Variants in PCDHGB3 observed in about 807,000 individuals in gnomAD.
The protein encoded by PCDHGB3 is protocadherin gamma-B3.
Under a neutral mutation model 59.2 loss-of-function variants are expected in PCDHGB3, and 40 were observed. That is an observed-to-expected ratio of 0.68 (90% CI 0.52 to 0.88). The LOEUF is 0.88. Among genes scored for constraint, PCDHGB3 ranks in the 40% least tolerant of loss-of-function variants. The pLI, the probability that PCDHGB3 is intolerant of heterozygous loss-of-function variation, is 0.00. For synonymous variants in PCDHGB3, 581 were observed against 503.6 expected, an observed-to-expected ratio of 1.15 and a Z score of -2.06; for missense variants, 1,309 against 1,187.9, an observed-to-expected ratio of 1.10 and a Z score of -1.50.
chr5:141,414,799 G>A, intron 1 of PCDHGB3: 1 of 1,614,214 alleles, frequency 6.2e-7, no homozygotes, highest in Non-Finnish European at 8.5e-7. Context: ...CAGCGACAGC[G>A]GGGATCCTCC....
intron 1 of PCDHGB3, chr5:141,388,978 C>G: frequency 6.2e-7 from 1 of 1,613,972 alleles, no homozygotes; most frequent in Non-Finnish European, 8.5e-7. Flanking sequence ...ACACATATTG[C>G]TTTGCTCAAA....
chr5:141,492,064 C>T (rs1562152072), intron 1 of PCDHGB3: 3 of 484,366 alleles, frequency 6.2e-6, no homozygotes, highest in Non-Finnish European at 1.1e-5. Context: ...AGCCAGCCTC[C>T]TAGGCGCCGG....
At chr5:141,503,325 G>A (rs1002520312) in intron 2 of PCDHGB3, among the ~76,000 whole-genome samples, 10 of 152,104 alleles carry the variant, frequency 6.6e-5, no homozygotes, top group East Asian at 1.9e-4. Flanking sequence ...GGAGGGGCGC[G>A]GTGGCTCACG....
chr5:141,425,478 G>A (rs2096877750), intron 1 of PCDHGB3, among the ~76,000 whole-genome samples: 1 of 152,148 alleles, frequency 6.6e-6, no homozygotes, highest in Admixed American at 6.5e-5. Flanking sequence ...AATTCCTATG[G>A]CAACCTACTA....
Position 141,432,289 on chromosome 5 carries a change from C to T in PCDHGB3, c.2415+59480C>T, listed in dbSNP as rs762278053. ...CGTCCTACGTGTCCATCAACTCCGACACTGGGGTACTGTATGCGCTGAGCT... is the reference window on the plus strand; with the variant it reads ...CGTCCTACGTGTCCATCAACTCCGATACTGGGGTACTGTATGCGCTGAGCT... On this transcript the variant is annotated intron_variant, in intron 1 of 3. Coordinates refer to ENST00000576222, the MANE Select transcript of PCDHGB3 (RefSeq NM_018924.5). The surrounding 1 kb of genome is among the most constrained non-coding windows in gnomAD (Gnocchi z 6.0). The T allele has an allele frequency of 6.2e-7, 1 of 1,614,266 alleles. No homozygotes were observed. Among genetic ancestry groups the T allele is most frequent in the Admixed American group, 1.7e-5 (1 of 60,038 alleles).
At chr5:141,474,524 C>G (rs1260642402) in intron 1 of PCDHGB3, among the ~76,000 whole-genome samples, 1 of 152,170 alleles carries the variant, frequency 6.6e-6, no homozygotes, top group Non-Finnish European at 1.5e-5. Flanking sequence ...GCTGGTCTGG[C>G]TAATTATCAA....
chr5:141,418,767 C>T (rs770275597), intron 1 of PCDHGB3: 1 of 1,613,850 alleles, frequency 6.2e-7, no homozygotes, highest in Non-Finnish European at 8.5e-7. Flanking sequence ...AACATTCTAA[C>T]TCAGCAGCCT....
chr5:141,496,081 C>A (rs976166091), intron 2 of PCDHGB3, among the ~76,000 whole-genome samples: 1 of 152,060 alleles, frequency 6.6e-6, no homozygotes, highest in Non-Finnish European at 1.5e-5. Flanking sequence ...CACAACCCCC[C>A]ACCCACCACC....
chr5:141,490,956 A>T lies in PCDHGB3; in HGVS notation c.2416-3851A>T. 1.2e-6 allele frequency: 2 copies of T among 1,613,828 alleles called. No homozygotes were observed. The highest frequency in any genetic ancestry group is 1.7e-6 in the Non-Finnish European group (2 of 1,179,852). ...TGCTGCACCCACGGCCAGACTGGGA[A>T]CACTCAGCCCCCCAGCGTCTCCCTC... On this transcript the variant is annotated intron_variant, in intron 1 of 3. Transcript: ENST00000576222. The surrounding 1 kb of genome is among the most constrained non-coding windows in gnomAD (Gnocchi z 5.4).
chr5:141,414,007 A>G (rs1047239460), intron 1 of PCDHGB3: 2 of 1,613,292 alleles, frequency 1.2e-6, no homozygotes, highest in Non-Finnish European at 1.7e-6. Flanking sequence ...CGAAGGTGCC[A>G]ATGGAGAAGT....
In PCDHGB3 at chr5:141,511,032, G is replaced by A; in HGVS notation, c.2649G>A (p.Gln883=). 1.2e-6 allele frequency: 2 copies of A among 1,614,228 alleles called. No homozygotes were observed. The highest frequency in any genetic ancestry group is 2.2e-5 in the East Asian group (1 of 44,888). The change falls in exon 4 of 4, where the codon CAG becomes CAA. Residue 883 remains glutamine, a synonymous_variant. Transcript: ENST00000576222. Reference sequence around the variant, plus strand: ...GCTACGGACCCCAGTTCACCCTGCAGCACGTGCCCGACTACCGCCAGAATG... The same window carrying A: ...GCTACGGACCCCAGTTCACCCTGCAACACGTGCCCGACTACCGCCAGAATG... ...SARYGPQFTL[Q]HVPDYRQNVY...
At chr5:141,381,475 GA>G (rs1777221405) in intron 1 of PCDHGB3, among the ~76,000 whole-genome samples, 1 of 152,226 alleles carries the variant, frequency 6.6e-6, no homozygotes, top group African/African-American at 2.4e-5. Context: ...GCTGTCTAGA[GA>G]TCCCTGTTTT....
rs759045688 is a variant in PCDHGB3 at position 141,395,208 on chromosome 5, G to C, written c.2415+22399G>C. 5.6e-6 allele frequency: 9 copies of C among 1,613,352 alleles called. No individual in the cohort carries two copies. In the Admixed American group the frequency reaches 1.5e-4, roughly 27 times the overall value. ...TTTGTTAACATCCGTAGATTTTCAT[G>C]AATATAAGAATGAAGCTGATCATGG... On this transcript the variant is annotated intron_variant, in intron 1 of 3. Coordinates refer to ENST00000576222, the MANE Select transcript of PCDHGB3 (RefSeq NM_018924.5).
intron 1 of PCDHGB3, among the ~76,000 whole-genome samples, chr5:141,453,864 G>A (rs758778743): frequency 2.6e-5 from 4 of 152,192 alleles, no homozygotes; most frequent in Non-Finnish European, 5.9e-5. Context: ...GAAAATAACA[G>A]ATGAGCAAAA....
intron 1 of PCDHGB3, chr5:141,419,027 G>A (rs1415215066): frequency 6.2e-7 from 1 of 1,613,870 alleles, no homozygotes; most frequent in Admixed American, 1.7e-5. Flanking sequence ...AAGTAGAGGT[G>A]TTCCATTTAA....
At chr5:141,472,980 C>CAA (rs60579131) in intron 1 of PCDHGB3, among the ~76,000 whole-genome samples, 188 of 86,094 alleles carry the variant, frequency 2.2e-3, no homozygotes, top group Non-Finnish European at 3.2e-3. Flanking sequence ...GAGTGAAACT[C>CAA]AAAAAAAAAA....
chr5:141,380,771 A>G (rs1337028514), intron 1 of PCDHGB3, among the ~76,000 whole-genome samples: 1 of 152,198 alleles, frequency 6.6e-6, no homozygotes, highest in Non-Finnish European at 1.5e-5. Context: ...ATTAATTGAG[A>G]CTTTTTTAAA....
chr5:141,490,948 G>T lies in PCDHGB3; in HGVS notation c.2416-3859G>T. 1 of 1,613,756 alleles carries T rather than the reference G, an allele frequency of 6.2e-7. No homozygotes were observed. The highest frequency in any genetic ancestry group is 8.5e-7 in the Non-Finnish European group (1 of 1,179,810). On this transcript the variant is annotated intron_variant, in intron 1 of 3. Coordinates refer to ENST00000576222, the MANE Select transcript of PCDHGB3 (RefSeq NM_018924.5). The surrounding 1 kb of genome is among the most constrained non-coding windows in gnomAD (Gnocchi z 5.4). The stretch of plus-strand genomic sequence containing the variant: ...CCCAGCTGTGCTGCACCCACGGCCA[G>T]ACTGGGAACACTCAGCCCCCCAGCG...
rs766182165 is a variant in PCDHGB3 at position 141,478,048 on chromosome 5, C to T, written c.2416-16759C>T. ...ACACAGATTCACCCAGGCAGACTCT[C>T]ACGGTCTTGATCAAAGACAATGGGG... On this transcript the variant is annotated intron_variant, in intron 1 of 3. Transcript: ENST00000576222. 5.6e-6 allele frequency: 9 copies of T among 1,614,040 alleles called. No homozygotes were observed. In the Admixed American group the frequency reaches 1.0e-4, roughly 18 times the overall value.
Sources: allele counts gnomAD v4.1 joint callset (sites outside exome capture counted in the v4.1 genomes callset), GRCh38; gene constraint gnomAD v4.1.1; non-coding constraint Gnocchi (gnomAD v3.1); transcripts MANE v1.5; gene names NCBI Gene and HGNC (gene_info 2026-07-23, HGNC 2026-07-21).